Variants in NRXN3 observed in about 807,000 individuals in gnomAD.
The protein encoded by NRXN3 is neurexin 3, also known as neurexin III.
NRXN3 carries 32 observed loss-of-function variants against 137.6 expected under a neutral mutation model. The ratio of observed to expected loss-of-function variants is 0.23; its 90% CI spans 0.18 to 0.31. NRXN3 has a LOEUF of 0.31. NRXN3 is among the 10% of genes least tolerant of loss of function. The pLI is 1.00. For missense variants in NRXN3, 1,574 were observed against 2,062.5 expected (o/e 0.76, Z 4.59); for synonymous variants, 798 against 784.5 (o/e 1.02, Z -0.29).
At chr14:78,743,362 T>A (rs1406511996) in intron 8 of NRXN3, among the ~76,000 whole-genome samples, 1 of 152,232 alleles carries the variant, frequency 6.6e-6, no homozygotes, top group South Asian at 2.1e-4. Flanking sequence ...GGTGTTTGTT[T>A]AATCAGTATT....
chr14:78,649,353 T>C, intron 5 of NRXN3: 1 of 1,088,636 alleles, frequency 9.2e-7, no homozygotes. Flanking sequence ...GGGTTTGCCG[T>C]GTGTTGCCCC....
At chr14:79,857,378 T>A (rs566442347) in intron 20 of NRXN3, among the ~76,000 whole-genome samples, 5 of 152,086 alleles carry the variant, frequency 3.3e-5, no homozygotes, top group Non-Finnish European at 7.3e-5. Flanking sequence ...CCAGCCACTA[T>A]GCCTGGCTAA....
At chr14:78,993,219 A>T (rs1450825684) in intron 15 of NRXN3, among the ~76,000 whole-genome samples, 1 of 151,758 alleles carries the variant, frequency 6.6e-6, no homozygotes, top group Non-Finnish European at 1.5e-5. Context: ...TTATTTTTTT[A>T]ATGTAGGTTG....
chr14:78,868,820 T>C (rs1009996079), intron 10 of NRXN3, among the ~76,000 whole-genome samples: 2 of 151,300 alleles, frequency 1.3e-5, no homozygotes, highest in African/African-American at 4.9e-5. Context: ...AAACTCCATC[T>C]CAAAAAAATA....
At chr14:79,485,114 G>GTT (rs2096643833) in intron 16 of NRXN3, among the ~76,000 whole-genome samples, 1 of 151,640 alleles carries the variant, frequency 6.6e-6, no homozygotes, top group Non-Finnish European at 1.5e-5. Context: ...CTCTAATTAG[G>GTT]GGTCTTTATA....
At chr14:79,494,834 C>A (rs991586461) in intron 16 of NRXN3, among the ~76,000 whole-genome samples, 4 of 152,058 alleles carry the variant, frequency 2.6e-5, no homozygotes, top group Non-Finnish European at 4.4e-5. Flanking sequence ...TCAGATAATC[C>A]CAGTTTTTCC....
chr14:79,769,997 T>G (rs1475884222), intron 19 of NRXN3, among the ~76,000 whole-genome samples: 1 of 152,008 alleles, frequency 6.6e-6, no homozygotes, highest in Non-Finnish European at 1.5e-5. Flanking sequence ...AAAGAGACTT[T>G]AAACCAACAA....
chr14:78,974,457 A>C lies in NRXN3; in HGVS notation c.3142+6111A>C, dbSNP rs1017917804. On this transcript the variant is annotated intron_variant, in intron 14 of 20. Transcript: ENST00000335750. ...CTGAAAGTTCTCATCCAAAGGAATA[A>C]TGGTTTGTAGGGAGAAGTGAGTCAT... 3.4e-4 allele frequency among the ~76,000 whole-genome samples: 51 copies of C among 152,232 alleles called. 2 individuals are homozygous for C. Among genetic ancestry groups the C allele is most frequent in the Non-Finnish European group, 4.4e-5 (3 of 68,050 alleles).
chr14:78,650,350 G>C (rs1481279402), intron 5 of NRXN3, among the ~76,000 whole-genome samples: 1 of 152,036 alleles, frequency 6.6e-6, no homozygotes, highest in African/African-American at 2.4e-5. Flanking sequence ...AGGCCCCATC[G>C]TTTCTCTCTG....
At chr14:78,574,269 T>A (rs929114195) in intron 4 of NRXN3, among the ~76,000 whole-genome samples, 3 of 152,180 alleles carry the variant, frequency 2.0e-5, no homozygotes, top group Non-Finnish European at 4.4e-5. Context: ...GGGTCTGAGC[T>A]CCCACACAGA....
chr14:78,270,245 G>C (rs1232455442), intron 2 of NRXN3, among the ~76,000 whole-genome samples: 1 of 152,126 alleles, frequency 6.6e-6, no homozygotes, highest in Admixed American at 6.5e-5. Flanking sequence ...TCCAACATAG[G>C]AATTGACAGA....
intron 19 of NRXN3, among the ~76,000 whole-genome samples, chr14:79,784,544 A>G (rs569570554): frequency 6.6e-6 from 1 of 151,344 alleles, no homozygotes; most frequent in Admixed American, 6.6e-5. Flanking sequence ...TGAAGGCAAG[A>G]GCATCTGATC....
chr14:78,863,188 G>A (rs1445474916), intron 10 of NRXN3, among the ~76,000 whole-genome samples: 2 of 152,080 alleles, frequency 1.3e-5, no homozygotes, highest in Non-Finnish European at 2.9e-5. Flanking sequence ...AATCTGACAA[G>A]AAAATCAACT....
At chr14:79,333,373 G>T (rs1312190070) in intron 15 of NRXN3, among the ~76,000 whole-genome samples, 2 of 152,096 alleles carry the variant, frequency 1.3e-5, no homozygotes, top group African/African-American at 4.8e-5. Flanking sequence ...ACAAATGCTT[G>T]TCATAAACCA....
chr14:79,859,717 G>T (rs1245403175), intron 20 of NRXN3, among the ~76,000 whole-genome samples: 2 of 152,278 alleles, frequency 1.3e-5, no homozygotes, highest in Admixed American at 1.3e-4. Flanking sequence ...ATTACCAAGT[G>T]TAAGAGACAC....
chr14:78,926,703 ATATT>A (rs1293342359), intron 10 of NRXN3, among the ~76,000 whole-genome samples: 2 of 90,574 alleles, frequency 2.2e-5, no homozygotes, highest in Non-Finnish European at 4.1e-5. Flanking sequence ...TATAAAATAT[ATATT>A]ATATATTATA....
At chr14:78,735,437 C>T (rs904924823) in intron 8 of NRXN3, among the ~76,000 whole-genome samples, 3 of 152,132 alleles carry the variant, frequency 2.0e-5, no homozygotes, top group Non-Finnish European at 2.9e-5. Context: ...GAGGGTCTTG[C>T]TGTCACCAGC....
chr14:78,497,845 T>C (rs1470225950), intron 4 of NRXN3, among the ~76,000 whole-genome samples: 1 of 152,196 alleles, frequency 6.6e-6, no homozygotes, highest in African/African-American at 2.4e-5. Flanking sequence ...CTCTGTAGGA[T>C]GAGAATGGTA....
chr14:79,521,713 G>A (rs998949242), intron 16 of NRXN3, among the ~76,000 whole-genome samples: 1 of 152,008 alleles, frequency 6.6e-6, no homozygotes, highest in East Asian at 1.9e-4. Flanking sequence ...CTTCTGTATT[G>A]TCAGGGTTTA....
Sources: allele counts gnomAD v4.1 joint callset (sites outside exome capture counted in the v4.1 genomes callset), GRCh38; gene constraint gnomAD v4.1.1; transcripts MANE v1.5; gene names NCBI Gene and HGNC (gene_info 2026-07-23, HGNC 2026-07-21).